Variants in GLG1 observed in about 807,000 individuals in gnomAD.
GLG1 encodes the protein golgi glycoprotein 1, also known as Golgi apparatus protein 1.
Under a neutral mutation model 160.5 loss-of-function variants are expected in GLG1, and 38 were observed. The observed-to-expected ratio is 0.24, with a 90% CI of 0.18 to 0.31. The LOEUF (loss-of-function observed/expected upper bound fraction) is 0.31, where lower values mean the gene tolerates loss of function less well. GLG1 is among the 10% of genes least tolerant of loss of function. The probability of loss-of-function intolerance (pLI) is 1.00; values close to 1 mark genes in which losing one functional copy is unlikely to be tolerated. For synonymous variants in GLG1, 644 were observed against 543.4 expected, an observed-to-expected ratio of 1.19 and a Z score of -2.57; for missense variants, 1,373 against 1,505.2, an observed-to-expected ratio of 0.91 and a Z score of 1.45.
chr16:74,593,968 A>G (rs956959285), intron 1 of GLG1, among the ~76,000 whole-genome samples: 6 of 150,636 alleles, frequency 4.0e-5, no homozygotes, highest in African/African-American at 1.2e-4. Context: ...GTGCAATGGC[A>G]CGATCTTGGC....
At chr16:74,468,788 A>G (rs2015093818) in intron 17 of GLG1, 158 bp downstream of exon 17, 1 of 623,440 alleles carries the variant, frequency 1.6e-6, no homozygotes, top group South Asian at 2.0e-5. Context: ...AGAATGACAC[A>G]GGAAGCTAAT....
intron 1 of GLG1, among the ~76,000 whole-genome samples, chr16:74,547,007 G>C (rs1335532503): frequency 6.6e-6 from 1 of 152,106 alleles, no homozygotes; most frequent in African/African-American, 2.4e-5. Context: ...TACTCAACTG[G>C]TTGCTAGAAC....
At chr16:74,475,018 G>A (rs1403673471) in intron 12 of GLG1, among the ~76,000 whole-genome samples, 1 of 152,002 alleles carries the variant, frequency 6.6e-6, no homozygotes, top group East Asian at 1.9e-4. Context: ...TTACCCGGGT[G>A]TGGTGGTGGG....
intron 25 of GLG1, among the ~76,000 whole-genome samples, chr16:74,455,591 C>G (rs143607169): frequency 2.0e-5 from 3 of 152,160 alleles, no homozygotes; most frequent in East Asian, 3.9e-4. Context: ...TTCCTGCTGT[C>G]GACCTATGAA....
chr16:74,514,633 G>A (rs554835469), intron 2 of GLG1, among the ~76,000 whole-genome samples: 45 of 152,286 alleles, frequency 3.0e-4, no homozygotes, highest in African/African-American at 8.9e-4. Flanking sequence ...AAGAACTCCC[G>A]AAGGAAGCAC....
chr16:74,477,712 G>A (rs918969877), intron 11 of GLG1, among the ~76,000 whole-genome samples, 179 bp from the exon 12 acceptor site: 2 of 152,096 alleles, frequency 1.3e-5, no homozygotes, highest in Non-Finnish European at 2.9e-5. Flanking sequence ...GGTGGCTCAC[G>A]CATGTAATCC....
intron 8 of GLG1, among the ~76,000 whole-genome samples, chr16:74,487,829 C>CT (rs2143354240): frequency 6.6e-6 from 1 of 152,256 alleles, no homozygotes; most frequent in South Asian, 2.1e-4. Flanking sequence ...GGGCTAACAG[C>CT]TCCAGGGATC....
At chr16:74,602,869 G>C in intron 1 of GLG1, among the ~76,000 whole-genome samples, 1 of 151,754 alleles carries the variant, frequency 6.6e-6, no homozygotes, top group Non-Finnish European at 1.5e-5. Flanking sequence ...TTCTGTGTAA[G>C]AAAATCTATG....
intron 1 of GLG1, among the ~76,000 whole-genome samples, chr16:74,545,070 T>A (rs929763012): frequency 3.3e-5 from 5 of 152,318 alleles, no homozygotes; most frequent in South Asian, 2.1e-4. Context: ...CAACTTCGGT[T>A]TAAATTACAT....
chr16:74,505,820 A>G (rs1381531503), intron 3 of GLG1, among the ~76,000 whole-genome samples: 1 of 152,176 alleles, frequency 6.6e-6, no homozygotes, highest in Non-Finnish European at 1.5e-5. Context: ...GAGCCATTGC[A>G]TTCCACCCTG....
chr16:74,503,724 G>T lies in GLG1; in HGVS notation c.581C>A (p.Pro194Gln). The T allele has an allele frequency of 6.2e-7, 1 of 1,611,074 alleles. No homozygotes were observed. The highest frequency in any genetic ancestry group is 1.1e-5 in the South Asian group (1 of 90,976). Residue 194 changes from proline (P) to glutamine (Q), a missense_variant, in exon 4 of 26, where the codon CCG becomes CAG. By Grantham distance (76) the Pro-to-Gln change is moderately conservative. Transcript: ENST00000422840. ...ITEIKECADE[P>Q]VGKGYMVSCL... ...GGAAACCATGTAACCTTTTCCAACC[G>T]GTTCATCAGCACATTCTTTAATCTG...
Position 74,453,040 on chromosome 16 carries a change from A to G in GLG1, c.*127T>C, listed in dbSNP as rs1487719935. 1 of 1,486,554 alleles carries G rather than the reference A, an allele frequency of 6.7e-7. No individual in the cohort carries two copies. Among genetic ancestry groups the G allele is most frequent in the Non-Finnish European group, 8.9e-7 (1 of 1,118,322 alleles). 92.1% of individuals were successfully genotyped at this position (1,486,554 alleles called of 1,614,324 possible). A position where few individuals can be genotyped will look rare whatever the true frequency, so the allele number is the denominator to read the frequency against. On this transcript the variant is annotated 3_prime_UTR_variant, in exon 26 of 26. Transcript: ENST00000422840. ...GGCTGGATGGGACAACGCAGTGGAC[A>G]TCTGCTAATGCTCTAACACGGGGTT...
intron 1 of GLG1, among the ~76,000 whole-genome samples, chr16:74,600,162 A>G (rs1371345913): frequency 1.3e-5 from 2 of 152,222 alleles, no homozygotes; most frequent in African/African-American, 4.8e-5. Context: ...TATATTTTAT[A>G]GTCATATATT....
intron 19 of GLG1, chr16:74,463,876 C>CTT (rs35730836): frequency 6.8e-4 from 116 of 169,346 alleles, no homozygotes; most frequent in South Asian, 2.7e-3. Context: ...CGCCTGGCCA[C>CTT]TTTTTTTTTT....
intron 1 of GLG1, among the ~76,000 whole-genome samples, chr16:74,549,851 C>G (rs1456089934): frequency 6.6e-6 from 1 of 151,862 alleles, no homozygotes; most frequent in South Asian, 2.1e-4. Context: ...TGGTGGCTCA[C>G]GCCTGTAATC....
At chr16:74,567,484 AG>A (rs1259359509) in intron 1 of GLG1, among the ~76,000 whole-genome samples, 1 of 152,098 alleles carries the variant, frequency 6.6e-6, no homozygotes, top group African/African-American at 2.4e-5. Context: ...GGGTCACGTC[AG>A]AAGTAAAACT....
At chr16:74,605,759 A>T (rs1483309177) in intron 1 of GLG1, among the ~76,000 whole-genome samples, 2 of 152,124 alleles carry the variant, frequency 1.3e-5, no homozygotes, top group East Asian at 3.9e-4. Flanking sequence ...AACCAAAAAC[A>T]GTATCAAGTG....
chr16:74,473,718 T>C (rs902456587), intron 13 of GLG1, among the ~76,000 whole-genome samples: 2 of 151,908 alleles, frequency 1.3e-5, no homozygotes, highest in East Asian at 1.9e-4. Context: ...GGATTACAGG[T>C]GTGAGCCACT....
At chr16:74,524,478 G>A (rs1053477381) in intron 2 of GLG1, among the ~76,000 whole-genome samples, 5 of 151,206 alleles carry the variant, frequency 3.3e-5, no homozygotes, top group Non-Finnish European at 7.4e-5. Flanking sequence ...ATGCTAATTT[G>A]ATATTTGATG....
Sources: gnomAD v4.1 joint callset for allele counts (sites outside exome capture counted in the v4.1 genomes callset) on GRCh38, gnomAD v4.1.1 for gene constraint, MANE v1.5 for transcripts, NCBI Gene and HGNC (gene_info 2026-07-23, HGNC 2026-07-21) for gene names.